NBDY: variants seen among roughly 807,000 people sequenced by gnomAD.
NBDY encodes P-body dissociating protein.
chrX:56,788,042 G>C (rs867741749), intron 2 of NBDY, among the ~76,000 whole-genome samples: 6 of 111,995 alleles, frequency 5.4e-5, no homozygotes, highest in Admixed American at 3.8e-4. Context: ...TGTGTTCTTT[G>C]TCTTTTACTT....
chrX:56,797,077 C>G (rs1446799975), intron 2 of NBDY, among the ~76,000 whole-genome samples: 4 of 109,590 alleles, frequency 3.6e-5, no homozygotes, highest in African/African-American at 3.3e-5. Flanking sequence ...TCCTCCTCCT[C>G]CAACTCCCTC....
At chrX:56,747,538 G>A (rs1170480538) in intron 2 of NBDY, among the ~76,000 whole-genome samples, 1 of 111,871 alleles carries the variant, frequency 8.9e-6, no homozygotes, top group Non-Finnish European at 1.9e-5. Context: ...CTGGAGTGGA[G>A]AGATGGAGCT....
chrX:56,748,785 C>A (rs2069568352), intron 2 of NBDY, among the ~76,000 whole-genome samples: 1 of 99,415 alleles, frequency 1.0e-5, no homozygotes, highest in African/African-American at 3.7e-5. Flanking sequence ...GTTGTGAGAG[C>A]AGAGGCCAGA....
At chrX:56,797,019 T>C (rs1020210643) in intron 2 of NBDY, among the ~76,000 whole-genome samples, 1 of 111,032 alleles carries the variant, frequency 9.0e-6, no homozygotes, top group Non-Finnish European at 1.9e-5. Flanking sequence ...CTTCTTCCTT[T>C]TCCTACTCCT....
intron 2 of NBDY, among the ~76,000 whole-genome samples, chrX:56,745,091 A>G (rs1317097885): frequency 1.8e-5 from 2 of 111,357 alleles, no homozygotes; most frequent in African/African-American, 6.5e-5. Flanking sequence ...GGATTACGTG[A>G]ACATAAGCAC....
intron 2 of NBDY, among the ~76,000 whole-genome samples, chrX:56,733,471 T>G (rs902192209): frequency 3.6e-5 from 4 of 111,428 alleles, no homozygotes; most frequent in African/African-American, 1.3e-4. Flanking sequence ...CAACATATAT[T>G]AGGTTTCATT....
intron 2 of NBDY, among the ~76,000 whole-genome samples, chrX:56,765,238 C>G (rs977132435): frequency 1.8e-5 from 2 of 111,935 alleles, no homozygotes; most frequent in Non-Finnish European, 3.8e-5. Context: ...CCTTTCTGCC[C>G]TGTCTCCATA....
At chrX:56,752,595 C>T (rs921611317) in intron 2 of NBDY, among the ~76,000 whole-genome samples, 5 of 111,054 alleles carry the variant, frequency 4.5e-5, no homozygotes, top group Non-Finnish European at 9.4e-5. Context: ...TTCAACAACT[C>T]TTTTTATTTT....
At chrX:56,790,160 G>A (rs1407937271) in intron 2 of NBDY, among the ~76,000 whole-genome samples, 1 of 112,641 alleles carries the variant, frequency 8.9e-6, no homozygotes, top group Non-Finnish European at 1.9e-5. Context: ...TTTGGGATGC[G>A]AAGCCATGAC....
intron 2 of NBDY, among the ~76,000 whole-genome samples, chrX:56,798,561 CT>C (rs1273008248): frequency 3.6e-5 from 4 of 112,111 alleles, no homozygotes; most frequent in Non-Finnish European, 7.5e-5. Flanking sequence ...TACCTAGAGC[CT>C]TTGGGAGGAC....
At chrX:56,794,616 G>A (rs1424823262) in intron 2 of NBDY, among the ~76,000 whole-genome samples, 1 of 108,654 alleles carries the variant, frequency 9.2e-6, no homozygotes, top group Non-Finnish European at 1.9e-5. Context: ...CTTAGGCGGT[G>A]GCATGGTGGG....
intron 2 of NBDY, among the ~76,000 whole-genome samples, chrX:56,805,801 CT>C (rs2069845832): frequency 8.9e-6 from 1 of 111,921 alleles, no homozygotes; most frequent in Non-Finnish European, 1.9e-5. Flanking sequence ...TCTTTGTGTA[CT>C]TTTGGAGTTT....
intron 2 of NBDY, among the ~76,000 whole-genome samples, chrX:56,811,430 C>CT (rs1265996445): frequency 8.9e-6 from 1 of 112,202 alleles, no homozygotes; most frequent in African/African-American, 3.2e-5. Context: ...GAACTGCTGC[C>CT]TTTTTTTCAG....
chrX:56,791,299 C>T (rs1294384581), intron 2 of NBDY, among the ~76,000 whole-genome samples: 1 of 112,382 alleles, frequency 8.9e-6, no homozygotes, highest in Admixed American at 9.4e-5. Context: ...ATAACTCTAG[C>T]TGACCCCTGT....
chrX:56,737,159 G>A (rs1184787903), intron 2 of NBDY: 1 of 598,098 alleles, frequency 1.7e-6, no homozygotes, highest in Non-Finnish European at 2.9e-6. Context: ...TAAAACATCT[G>A]CAGACCAAAT....
rs1217057696 is a variant in NBDY at position 56,737,105 on chromosome X, G to C, written c.*166+4906G>C. On this transcript the variant is annotated intron_variant, in intron 2 of 2. Coordinates refer to ENST00000374922, the MANE Select transcript of NBDY (RefSeq NM_001348129.2). Reference sequence around the variant, plus strand: ...TGGATTCAGTAGTTATTCAGTATAAGGTTTGGAATAACTCCAGCCATTACA... The same window carrying C: ...TGGATTCAGTAGTTATTCAGTATAACGTTTGGAATAACTCCAGCCATTACA... 106 of 484,966 alleles carry C rather than the reference G, an allele frequency of 2.2e-4. No individual in the cohort carries two copies. In the East Asian group the frequency reaches 4.0e-3, roughly 18 times the overall value. 40.0% of individuals were successfully genotyped at this position (484,966 alleles called of 1,213,427 possible).
chrX:56,780,942 C>T (rs73626220), intron 2 of NBDY, among the ~76,000 whole-genome samples: 6,341 of 106,778 alleles, frequency 0.059, 475 homozygotes, highest in African/African-American at 0.21. Flanking sequence ...CAGAGGTCCT[C>T]GGTTTTAACT....
intron 2 of NBDY, among the ~76,000 whole-genome samples, chrX:56,767,850 T>C (rs1204975747): frequency 4.0e-5 from 3 of 74,396 alleles, no homozygotes; most frequent in Non-Finnish European, 7.5e-5. Flanking sequence ...AGGGCACAAG[T>C]ACTGGGGAAA....
chrX:56,817,128 G>C (rs1225326261), intron 2 of NBDY, among the ~76,000 whole-genome samples, 192 bp from the exon 3 acceptor site: 1 of 111,696 alleles, frequency 9.0e-6, no homozygotes, highest in Non-Finnish European at 1.9e-5. Context: ...ATACCAAAAA[G>C]ATGCAGGTTA....
Sources: gnomAD v4.1 joint callset for allele counts (sites outside exome capture counted in the v4.1 genomes callset) on GRCh38, gnomAD v4.1.1 for gene constraint, MANE v1.5 for transcripts, NCBI Gene and HGNC (gene_info 2026-07-23, HGNC 2026-07-21) for gene names.